NTNG1: variants seen among roughly 807,000 people sequenced by gnomAD.
The protein encoded by NTNG1 is netrin-G1.
Under a neutral mutation model 54.0 loss-of-function variants are expected in NTNG1, and 16 were observed. The ratio of observed to expected loss-of-function variants is 0.30; its 90% confidence interval spans 0.20 to 0.45. The LOEUF is 0.45. Ranked by LOEUF, NTNG1 falls within the 20% of genes least tolerant of loss-of-function variation. The probability of loss-of-function intolerance (pLI) is 1.00; values close to 1 mark genes in which losing one functional copy is unlikely to be tolerated. For missense variants in NTNG1, 530 were observed against 678.7 expected, an observed-to-expected ratio of 0.78 and a Z score of 2.43; for synonymous variants, 255 against 263.1, an observed-to-expected ratio of 0.97 and a Z score of 0.30.
intron 3 of NTNG1, among the ~76,000 whole-genome samples, chr1:107,350,166 G>A (rs1174884797): frequency 6.6e-6 from 1 of 151,972 alleles, no homozygotes; most frequent in African/African-American, 2.4e-5. Flanking sequence ...AGCTCTAAAT[G>A]TCTATCATTC....
In NTNG1 at chr1:107,343,096, A is replaced by G. The variant is rs544401891; in HGVS notation, c.887+18174A>G. Among the ~76,000 whole-genome samples, 8 of 152,192 alleles carry G rather than the reference A, an allele frequency of 5.3e-5. No individual in the cohort carries two copies. The East Asian group carries it at 1.5e-3, about 29-fold the overall frequency. ...GGAGCCATGATTTCTCTCCCAACATACTTTATTAGATGTTGTCACATAGCT... is the reference window on the plus strand; with the variant it reads ...GGAGCCATGATTTCTCTCCCAACATGCTTTATTAGATGTTGTCACATAGCT... On this transcript the variant is annotated intron_variant, in intron 3 of 7. Coordinates refer to ENST00000370068, the MANE Select transcript of NTNG1 (RefSeq NM_001113226.3).
chr1:107,394,634 A>G (rs753072221), intron 3 of NTNG1, among the ~76,000 whole-genome samples: 5 of 152,176 alleles, frequency 3.3e-5, no homozygotes, highest in Non-Finnish European at 7.4e-5. Flanking sequence ...GAATGAGAAC[A>G]CTTGATTATA....
At chr1:107,465,120 A>G (rs1009545565) in intron 7 of NTNG1, among the ~76,000 whole-genome samples, 5 of 152,232 alleles carry the variant, frequency 3.3e-5, no homozygotes, top group Admixed American at 6.5e-5. Flanking sequence ...ATGAAAACCC[A>G]GGTTATTTCC....
intron 3 of NTNG1, among the ~76,000 whole-genome samples, chr1:107,327,023 T>C (rs1667997013): frequency 6.6e-6 from 1 of 152,150 alleles, no homozygotes; most frequent in Non-Finnish European, 1.5e-5. Flanking sequence ...ATTTCAGTGG[T>C]TCTGAGGAGT....
chr1:107,437,024 T>C lies in NTNG1; in HGVS notation c.1390+225T>C, dbSNP rs11185114. Among the ~76,000 whole-genome samples the C allele has an allele frequency of 2.9e-3, 443 of 152,292 alleles. 4 individuals are homozygous for C. Among genetic ancestry groups the C allele is most frequent in the African/African-American group, 0.01 (430 of 41,564 alleles). ...CCCCTCAGTTAGCTGGAGCAACTTA[T>C]ATTGAAATATTGTATGGAGATCCAT... On this transcript the variant is annotated intron_variant, in intron 7 of 7. Transcript: ENST00000370068.
intron 2 of NTNG1, among the ~76,000 whole-genome samples, chr1:107,306,895 T>C (rs958861693): frequency 1.3e-5 from 2 of 152,238 alleles, no homozygotes; most frequent in South Asian, 2.1e-4. Flanking sequence ...CTTCATTGTA[T>C]ACCTGGCCAA....
chr1:107,419,404 A>G (rs1674435173), intron 5 of NTNG1, among the ~76,000 whole-genome samples: 1 of 141,968 alleles, frequency 7.0e-6, no homozygotes. Flanking sequence ...TCCTAATGTC[A>G]AAGAAGAAAA....
rs199569211 is a variant in NTNG1 at position 107,343,504 on chromosome 1, C to CT, written c.887+18594dup. 7.7e-3 allele frequency among the ~76,000 whole-genome samples: 1,127 copies of CT among 146,658 alleles called. 12 individuals carry two copies. The highest frequency in any genetic ancestry group is 0.021 in the African/African-American group (842 of 40,332). On this transcript the variant is annotated intron_variant, in intron 3 of 7. Coordinates refer to ENST00000370068, the MANE Select transcript of NTNG1 (RefSeq NM_001113226.3). ...TGCTATCTTGGCTTTCTTGACCCTA[C>CT]TTTTTTTTTTTTCCTTTCATTTCCC...
intron 3 of NTNG1, among the ~76,000 whole-genome samples, chr1:107,373,825 A>G (rs1370848082): frequency 6.6e-6 from 1 of 151,982 alleles, no homozygotes; most frequent in African/African-American, 2.4e-5. Flanking sequence ...CAGCCTCTCA[A>G]GTAGCCGAGA....
At chr1:107,140,401 G>A (rs575990528), upstream of NTNG1, among the ~76,000 whole-genome samples, 1 of 152,136 alleles carries the variant, frequency 6.6e-6, no homozygotes, top group African/African-American at 2.4e-5. Context: ...CCCGCTCGGA[G>A]CAGGGTCCCG....
rs191681022 is a variant in NTNG1 at position 107,228,335 on chromosome 1, G to A, written c.246+79496G>A. On this transcript the variant is annotated intron_variant, in intron 2 of 7. Coordinates refer to ENST00000370068, the MANE Select transcript of NTNG1 (RefSeq NM_001113226.3). ...AGGACATTTTACATCCATGAGGTCA[G>A]ACTCAACTGTTATTTTGTGAACTAT... is the stretch of plus-strand genomic sequence containing the variant. Among the ~76,000 whole-genome samples the A allele has an allele frequency of 1.5e-3, 229 of 152,260 alleles. 1 individual carries two copies. Among genetic ancestry groups the A allele is most frequent in the African/African-American group, 5.3e-3 (221 of 41,556 alleles).
intron 2 of NTNG1, among the ~76,000 whole-genome samples, chr1:107,201,177 C>T (rs954054479): frequency 6.6e-6 from 1 of 150,544 alleles, no homozygotes; most frequent in Non-Finnish European, 1.5e-5. Flanking sequence ...CCCTAATTCT[C>T]ACAGATAATG....
chr1:107,348,121 T>C (rs1008503807), intron 3 of NTNG1, among the ~76,000 whole-genome samples: 33 of 151,606 alleles, frequency 2.2e-4, no homozygotes, highest in Non-Finnish European at 3.5e-4. Context: ...CTTTTATTAT[T>C]ATTATTATTA....
intron 7 of NTNG1, among the ~76,000 whole-genome samples, chr1:107,449,464 A>G (rs1040981459): frequency 2.0e-5 from 3 of 151,898 alleles, no homozygotes; most frequent in African/African-American, 7.3e-5. Flanking sequence ...CCGTGAATTG[A>G]CTCAGGATAT....
At chr1:107,402,332 A>G (rs1398175100) in intron 4 of NTNG1, among the ~76,000 whole-genome samples, 1 of 152,048 alleles carries the variant, frequency 6.6e-6, no homozygotes, top group Non-Finnish European at 1.5e-5. Flanking sequence ...TGCCAACAGG[A>G]CACTGAAGGT....
intron 2 of NTNG1, among the ~76,000 whole-genome samples, chr1:107,275,729 G>T (rs997888257): frequency 6.6e-6 from 1 of 152,220 alleles, no homozygotes; most frequent in African/African-American, 2.4e-5. Flanking sequence ...ACTGGATGGA[G>T]CCCACCCACA....
chr1:107,307,114 T>C (rs192862148), intron 2 of NTNG1, among the ~76,000 whole-genome samples: 1 of 152,368 alleles, frequency 6.6e-6, no homozygotes, highest in East Asian at 1.9e-4. Flanking sequence ...GGTATGATAG[T>C]ACAATCAGAG....
At chr1:107,379,841 A>C (rs1671536397) in intron 3 of NTNG1, among the ~76,000 whole-genome samples, 1 of 152,226 alleles carries the variant, frequency 6.6e-6, no homozygotes, top group Non-Finnish European at 1.5e-5. Context: ...GTGGAATTCA[A>C]ATTGGAGCAT....
At chr1:107,224,700 G>C (rs1326662706) in intron 2 of NTNG1, among the ~76,000 whole-genome samples, 1 of 152,144 alleles carries the variant, frequency 6.6e-6, no homozygotes, top group South Asian at 2.1e-4. Flanking sequence ...CTGGATTCCT[G>C]TCTGTAATGT....
Sources: allele counts gnomAD v4.1 joint callset (sites outside exome capture counted in the v4.1 genomes callset), GRCh38; gene constraint gnomAD v4.1.1; transcripts MANE v1.5; gene names NCBI Gene and HGNC (gene_info 2026-07-23, HGNC 2026-07-21).